KIF5C: variants seen among roughly 807,000 people sequenced by gnomAD.
KIF5C encodes the protein kinesin family member 5C.
In KIF5C, 18 loss-of-function variants were observed where a neutral mutation model predicts 125.2. That is an observed-to-expected ratio of 0.14 (90% CI 0.10 to 0.21). The LOEUF is 0.21. KIF5C is among the 10% of genes least tolerant of loss of function. The probability of loss-of-function intolerance (pLI) is 1.00; values close to 1 mark genes in which losing one functional copy is unlikely to be tolerated. For missense variants in KIF5C, 780 were observed against 1,183.8 expected (o/e 0.66, Z 5.01); for synonymous variants, 405 against 434.0 (o/e 0.93, Z 0.83).
At chr2:149,010,678 A>T (rs1574836483) in intron 24 of KIF5C, among the ~76,000 whole-genome samples, 3 of 152,228 alleles carry the variant, frequency 2.0e-5, no homozygotes, top group Admixed American at 6.5e-5. Flanking sequence ...GAATAGGAGG[A>T]TATTTCTCTG....
At chr2:148,904,127 T>A (rs566118545) in intron 1 of KIF5C, among the ~76,000 whole-genome samples, 79 of 152,316 alleles carry the variant, frequency 5.2e-4, no homozygotes, top group Middle Eastern at 3.4e-3. Flanking sequence ...TCCCAAACAA[T>A]TAGAGGACAC....
intron 25 of KIF5C, among the ~76,000 whole-genome samples, chr2:149,018,349 C>T (rs1300341223): frequency 6.6e-6 from 1 of 152,154 alleles, no homozygotes; most frequent in Non-Finnish European, 1.5e-5. Context: ...TGGCACTGAA[C>T]AAGCACTCCG....
At position 148,983,559 on chromosome 2, in the gene KIF5C, T is replaced by C. The variant is rs1681291949; in HGVS notation, c.1570-61T>C. On this transcript the variant is annotated intron_variant, in intron 14 of 25. Coordinates refer to ENST00000435030, the MANE Select transcript of KIF5C (RefSeq NM_004522.3). ...TACATGATGGTGTTATTCTTTGTAA[T>C]GTGGAGTGTATGAAATTGATGGGCA... is the stretch of plus-strand genomic sequence containing the variant. 3.4e-6 allele frequency: 5 copies of C among 1,473,718 alleles called. No homozygotes were observed. In the East Asian group the frequency reaches 1.2e-4, roughly 34 times the overall value. The allele number at this position is 1,473,718 out of a possible 1,614,324, so 91.3% of individuals were successfully genotyped here.
At chr2:148,893,801 T>C (rs1386964252) in intron 1 of KIF5C, among the ~76,000 whole-genome samples, 1 of 152,252 alleles carries the variant, frequency 6.6e-6, no homozygotes, top group African/African-American at 2.4e-5. Flanking sequence ...TTTTCATGAT[T>C]ATTTTTAGTC....
At position 148,875,700 on chromosome 2, in the gene KIF5C, A is replaced by G; in HGVS notation, c.83A>G (p.Lys28Arg). The part of the protein sequence containing the change: ...LNEAEILRGD[K>R]FIPKFKGDET... ...GAAGCGGAGATCCTCCGCGGGGACA[A>G]ATTCATCCCCAAATTTAAAGGCGAT... is the stretch of plus-strand genomic sequence containing the variant. The change falls in exon 1 of 26, where the codon AAA becomes AGA. Residue 28 changes from lysine to arginine, a missense_variant. Physicochemically the swap from Lys to Arg is conservative, Grantham distance 26. Around this residue, in one of 2 missense-constraint regions of KIF5C, gnomAD observed 207 missense variants for 441.2 expected, o/e 0.47. Coordinates refer to ENST00000435030, the MANE Select transcript of KIF5C (RefSeq NM_004522.3). 6.3e-7 allele frequency: 1 copy of G among 1,599,912 alleles called. No individual in the cohort carries two copies. The highest frequency in any genetic ancestry group is 1.1e-5 in the South Asian group (1 of 87,926).
At chr2:148,885,003 C>G (rs1444764419) in intron 1 of KIF5C, among the ~76,000 whole-genome samples, 1 of 144,500 alleles carries the variant, frequency 6.9e-6, no homozygotes, top group East Asian at 2.0e-4. Flanking sequence ...CGGATTCTCA[C>G]TCTGTCTCCC....
intron 1 of KIF5C, among the ~76,000 whole-genome samples, chr2:148,890,854 C>A (rs1244747034): frequency 6.6e-6 from 1 of 152,082 alleles, no homozygotes; most frequent in East Asian, 1.9e-4. Context: ...GTTACGTGTT[C>A]TTGACTTAGC....
chr2:148,951,257 C>T (rs1682650900), intron 10 of KIF5C, among the ~76,000 whole-genome samples: 1 of 152,284 alleles, frequency 6.6e-6, no homozygotes, highest in South Asian at 2.1e-4. Flanking sequence ...TTTACCAGCA[C>T]TGGAGGTAGG....
In KIF5C at chr2:148,942,697, A is replaced by G; in HGVS notation, c.526A>G (p.Ser176Gly). Reference protein sequence around the residue: ...VKGCTERFVSSPEEVMDVIDE... With the variant: ...VKGCTERFVSGPEEVMDVIDE... ...GGGGTGCACTGAGCGGTTTGTGTCG[A>G]GCCCTGAGGAAGTCATGGATGTAAT... The change falls in exon 7 of 26, where the codon AGC (serine) becomes GGC (glycine). Residue 176 changes from serine to glycine, a missense_variant. Physicochemically the swap from Ser to Gly is moderately conservative, Grantham distance 56. Around this residue, in one of 2 missense-constraint regions of KIF5C, gnomAD observed 207 missense variants for 441.2 expected, o/e 0.47. Transcript: ENST00000435030. 6.2e-7 allele frequency: 1 copy of G among 1,611,434 alleles called. No individual in the cohort carries two copies. The highest frequency in any genetic ancestry group is 1.3e-5 in the African/African-American group (1 of 75,018).
rs946269355 is a variant in KIF5C, at chr2:148,924,772, A to G, written c.217+2545A>G. On this transcript the variant is annotated intron_variant, in intron 2 of 25. Transcript: ENST00000435030. The surrounding 1 kb of genome is among the most constrained non-coding windows in gnomAD (Gnocchi z 4.0). ...ACACCAATCATTTGCCTTCCAAATTAACTAGATACAGATGATCCAGATGCT... is the reference window on the plus strand; with the variant it reads ...ACACCAATCATTTGCCTTCCAAATTGACTAGATACAGATGATCCAGATGCT... 6.6e-6 allele frequency among the ~76,000 whole-genome samples: 1 copy of G among 152,232 alleles called. No individual in the cohort carries two copies. Among genetic ancestry groups the G allele is most frequent in the Non-Finnish European group, 1.5e-5 (1 of 68,042 alleles).
chr2:148,958,097 C>A (rs1040111367), intron 10 of KIF5C, among the ~76,000 whole-genome samples: 3 of 151,978 alleles, frequency 2.0e-5, no homozygotes, highest in Non-Finnish European at 4.4e-5. Flanking sequence ...GGTATCCATT[C>A]TATTGTTGAT....
Position 148,973,492 on chromosome 2 carries a change from A to T in KIF5C, c.1274A>T (p.Tyr425Phe). Residue 425 changes from tyrosine (Y) to phenylalanine (F), a missense_variant, in exon 12 of 26, where the codon TAC (tyrosine) becomes TTC (phenylalanine). Tyr to Phe is a conservative substitution (Grantham distance 22). Transcript: ENST00000435030. Reference protein sequence around the residue: ...EKYDEEISSLYRQLDDKDDEI... With the variant: ...EKYDEEISSLFRQLDDKDDEI... ...TACGATGAGGAGATCTCCAGTCTCT[A>T]CAGACAACTGGATGACAAGGTCTGT... The T allele has an allele frequency of 1.9e-6, 3 of 1,610,340 alleles. No homozygotes were observed. The highest frequency in any genetic ancestry group is 2.5e-6 in the Non-Finnish European group (3 of 1,178,618).
At chr2:148,928,241 A>AAGTAG (rs1682078756) in intron 2 of KIF5C, among the ~76,000 whole-genome samples, 1 of 152,172 alleles carries the variant, frequency 6.6e-6, no homozygotes, top group South Asian at 2.1e-4. Context: ...TTAGAGCCTG[A>AAGTAG]AGTAGATGGA....
rs73966655 is a variant in KIF5C at position 148,937,037 on chromosome 2, A to C, written c.292-247A>C. 0.17 allele frequency among the ~76,000 whole-genome samples: 25,852 copies of C among 152,074 alleles called. 3,471 individuals carry two copies. The highest frequency in any genetic ancestry group is 0.37 in the African/African-American group (15,262 of 41,432). Reference sequence around the variant, plus strand: ...CCTTGAGTGGCAGCTGGAGGCAATAATGTGGGGCCTCAGAACTTGGCAGAA... The same window carrying C: ...CCTTGAGTGGCAGCTGGAGGCAATACTGTGGGGCCTCAGAACTTGGCAGAA... On this transcript the variant is annotated intron_variant, in intron 3 of 25. Transcript: ENST00000435030.
At chr2:148,948,282 G>A (rs1030295706) in intron 8 of KIF5C, among the ~76,000 whole-genome samples, 42 of 151,690 alleles carry the variant, frequency 2.8e-4, no homozygotes, top group African/African-American at 8.0e-4. Flanking sequence ...GCGTGAACCC[G>A]GGAGGCGGAG....
At chr2:149,020,673 G>A (rs895346467) in intron 25 of KIF5C, among the ~76,000 whole-genome samples, 1 of 152,142 alleles carries the variant, frequency 6.6e-6, no homozygotes, top group African/African-American at 2.4e-5. Flanking sequence ...ACGCAGAACG[G>A]CCATCTCATC....
intron 1 of KIF5C, among the ~76,000 whole-genome samples, chr2:148,898,526 G>T (rs1417160375): frequency 6.6e-6 from 1 of 152,146 alleles, no homozygotes; most frequent in Non-Finnish European, 1.5e-5. Context: ...GCAATCACAG[G>T]GATTCTTAAA....
At chr2:149,004,665 A>G (rs1472378508) in intron 21 of KIF5C, among the ~76,000 whole-genome samples, 1 of 152,252 alleles carries the variant, frequency 6.6e-6, no homozygotes, top group Non-Finnish European at 1.5e-5. Flanking sequence ...GTTATGAAAT[A>G]TGCATCAATA....
At chr2:148,955,687 C>T (rs943281855) in intron 10 of KIF5C, among the ~76,000 whole-genome samples, 1 of 151,836 alleles carries the variant, frequency 6.6e-6, no homozygotes, top group African/African-American at 2.4e-5. Flanking sequence ...TATCTTTCTC[C>T]TATTGGTTCT....
Sources: gnomAD v4.1 joint callset for allele counts (sites outside exome capture counted in the v4.1 genomes callset) on GRCh38, gnomAD v4.1.1 for gene constraint, gnomAD v4.1.1 regional missense constraint, Gnocchi (gnomAD v3.1) non-coding constraint, MANE v1.5 for transcripts, NCBI Gene and HGNC (gene_info 2026-07-23, HGNC 2026-07-21) for gene names.